EXOC4: variants seen among roughly 807,000 people sequenced by gnomAD.
EXOC4 encodes the protein exocyst complex component 4.
In EXOC4, 71 loss-of-function variants were observed where a neutral mutation model predicts 107.2. The ratio of observed to expected loss-of-function variants is 0.66; its 90% CI spans 0.55 to 0.81. The LOEUF (loss-of-function observed/expected upper bound fraction) is 0.81. Among genes scored for constraint, EXOC4 ranks in the 30% least tolerant of loss-of-function variants. The pLI is 0.00. For missense variants in EXOC4, 1,108 were observed against 1,189.6 expected, an observed-to-expected ratio of 0.93 and a Z score of 1.01; for synonymous variants, 456 against 441.2, an observed-to-expected ratio of 1.03 and a Z score of -0.42.
At chr7:133,757,261 AT>A (rs1795938396) in intron 10 of EXOC4, among the ~76,000 whole-genome samples, 1 of 152,228 alleles carries the variant, frequency 6.6e-6, no homozygotes, top group African/African-American at 2.4e-5. Context: ...CACAAATTGC[AT>A]TTTATGGCTA....
chr7:133,744,211 G>A (rs1305096655), intron 10 of EXOC4, among the ~76,000 whole-genome samples: 2 of 151,968 alleles, frequency 1.3e-5, no homozygotes, highest in Admixed American at 6.6e-5. Context: ...CATATTATAT[G>A]AAGATATTTA....
chr7:133,834,055 G>C (rs184823352), intron 11 of EXOC4, among the ~76,000 whole-genome samples: 6 of 152,246 alleles, frequency 3.9e-5, no homozygotes, highest in Non-Finnish European at 5.9e-5. Context: ...ATATTAGTAA[G>C]ATATAATATA....
chr7:133,361,441 C>G (rs374654296), intron 6 of EXOC4, among the ~76,000 whole-genome samples: 5 of 152,072 alleles, frequency 3.3e-5, no homozygotes, highest in Non-Finnish European at 5.9e-5. Context: ...CCACCACGCC[C>G]GGCTAATTTT....
At chr7:133,303,289 C>G (rs1794681198) in intron 3 of EXOC4, among the ~76,000 whole-genome samples, 1 of 152,114 alleles carries the variant, frequency 6.6e-6, no homozygotes, top group African/African-American at 2.4e-5. Flanking sequence ...AAAAAATTAG[C>G]TGGGCATGGG....
intron 2 of EXOC4, among the ~76,000 whole-genome samples, chr7:133,277,511 G>C (rs1384672883): frequency 1.3e-5 from 2 of 152,200 alleles, no homozygotes; most frequent in Non-Finnish European, 2.9e-5. Flanking sequence ...ATGTTCGCCT[G>C]ATATTGAAAA....
chr7:133,651,304 A>G (rs1415555519), intron 10 of EXOC4, among the ~76,000 whole-genome samples: 1 of 152,212 alleles, frequency 6.6e-6, no homozygotes, highest in Non-Finnish European at 1.5e-5. Context: ...TCAAACTTGA[A>G]TAAATCTAAA....
chr7:133,819,594 A>C (rs76382292), intron 11 of EXOC4, among the ~76,000 whole-genome samples: 8,636 of 152,266 alleles, frequency 0.057, 359 homozygotes, highest in Non-Finnish European at 0.082. Flanking sequence ...GAGATGAGAA[A>C]TAGAGAGTAA....
chr7:133,930,721 T>TCC (rs1419919879), intron 13 of EXOC4: 2 of 152,134 alleles, frequency 1.3e-5, no homozygotes, highest in African/African-American at 2.4e-5. Context: ...CCTGTGAGTC[T>TCC]CCAACTTATT....
At chr7:133,916,078 G>A (rs1384012466) in intron 12 of EXOC4, among the ~76,000 whole-genome samples, 1 of 152,220 alleles carries the variant, frequency 6.6e-6, no homozygotes, top group Non-Finnish European at 1.5e-5. Flanking sequence ...CTGGGGTGAT[G>A]TTTTGGGTGA....
At chr7:133,507,422 G>C (rs1799687565) in intron 9 of EXOC4, among the ~76,000 whole-genome samples, 1 of 152,144 alleles carries the variant, frequency 6.6e-6, no homozygotes, top group African/African-American at 2.4e-5. Context: ...GATAATTTGT[G>C]AGTGGGCAGC....
At chr7:133,322,567 A>G (rs1795138791) in intron 5 of EXOC4, among the ~76,000 whole-genome samples, 1 of 152,032 alleles carries the variant, frequency 6.6e-6, no homozygotes, top group South Asian at 2.1e-4. Context: ...GTTCTGTTCC[A>G]TTCTTCTGTA....
chr7:133,495,397 T>A (rs1799454045), intron 9 of EXOC4, among the ~76,000 whole-genome samples: 1 of 152,144 alleles, frequency 6.6e-6, no homozygotes, highest in Non-Finnish European at 1.5e-5. Context: ...ATTATTGAGG[T>A]GAATGTACCT....
At chr7:133,542,704 G>A (rs1182002207) in intron 9 of EXOC4, among the ~76,000 whole-genome samples, 4 of 151,990 alleles carry the variant, frequency 2.6e-5, no homozygotes, top group African/African-American at 9.7e-5. Context: ...TTCATTTTGG[G>A]GGTATTGTCT....
intron 11 of EXOC4, among the ~76,000 whole-genome samples, chr7:133,872,341 C>T (rs957965512): frequency 1.3e-5 from 2 of 152,074 alleles, no homozygotes; most frequent in Admixed American, 1.3e-4. Context: ...AATGTGGTAG[C>T]CACATATTTA....
At chr7:133,816,781 G>T (rs995336708) in intron 10 of EXOC4, among the ~76,000 whole-genome samples, 1 of 152,160 alleles carries the variant, frequency 6.6e-6, no homozygotes, top group East Asian at 1.9e-4. Flanking sequence ...TCACGGTAGG[G>T]TTCATGCTTC....
At chr7:133,879,434 G>A (rs1445443345) in intron 11 of EXOC4, among the ~76,000 whole-genome samples, 2 of 151,992 alleles carry the variant, frequency 1.3e-5, no homozygotes, top group African/African-American at 4.8e-5. Context: ...TTTATTAGCT[G>A]GTATTCTTCC....
chr7:134,084,382 G>A, the EXOC4 span, among the ~76,000 whole-genome samples: 1 of 152,196 alleles, frequency 6.6e-6, no homozygotes, highest in African/African-American at 2.4e-5. Flanking sequence ...CACAAAAAGT[G>A]CCTGAGGAGT....
intron 7 of EXOC4, among the ~76,000 whole-genome samples, chr7:133,384,631 G>A (rs984511230): frequency 9.2e-5 from 14 of 151,818 alleles, no homozygotes; most frequent in African/African-American, 2.9e-4. Context: ...AAAGCTACTG[G>A]CATGACCTTC....
Position 133,755,255 on chromosome 7 carries a change from A to T in EXOC4, c.1515-62070A>T, listed in dbSNP as rs530022310. Among the ~76,000 whole-genome samples the T allele has an allele frequency of 5.6e-3, 559 of 100,424 alleles. 5 individuals are homozygous for T. Among genetic ancestry groups the T allele is most frequent in the African/African-American group, 0.02 (444 of 22,202 alleles). The allele number at this position is 100,424 out of a possible 152,430, so 65.9% of individuals were successfully genotyped here. ...ATATAATATATATAATATATATATTATATATATATTATATATATTATATAT... is the reference window on the plus strand; with the variant it reads ...ATATAATATATATAATATATATATTTTATATATATTATATATATTATATAT... On this transcript the variant is annotated intron_variant, in intron 10 of 17. Coordinates refer to ENST00000253861, the MANE Select transcript of EXOC4 (RefSeq NM_021807.4).
Sources: allele counts gnomAD v4.1 joint callset (sites outside exome capture counted in the v4.1 genomes callset), GRCh38; gene constraint gnomAD v4.1.1; transcripts MANE v1.5; gene names NCBI Gene and HGNC (gene_info 2026-07-23, HGNC 2026-07-21).